The following CAMKMT variants were observed in gnomAD, a reference collection of about 807,000 sequenced individuals.
The protein encoded by CAMKMT is calmodulin-lysine N-methyltransferase.
In CAMKMT, 53 loss-of-function variants were observed where a neutral mutation model predicts 48.0. The observed-to-expected ratio is 1.10, with a 90% CI of 0.89 to 1.39. CAMKMT has a LOEUF of 1.39. Ranked by LOEUF, CAMKMT falls within the 40% of genes most tolerant of loss-of-function variation. The pLI, the probability that CAMKMT is intolerant of heterozygous loss-of-function variation, is 0.00. For missense variants in CAMKMT, 428 were observed against 402.7 expected, an observed-to-expected ratio of 1.06 and a Z score of -0.54; for synonymous variants, 165 against 152.3, an observed-to-expected ratio of 1.08 and a Z score of -0.61.
At chr2:44,395,170 T>C (rs370454248) in intron 3 of CAMKMT, 6 of 338,008 alleles carry the variant, frequency 1.8e-5, no homozygotes, top group Non-Finnish European at 3.5e-5. Context: ...GGGTTTGGAA[T>C]GTTGGTGAAA....
At chr2:44,440,834 T>A (rs983750915) in intron 3 of CAMKMT, among the ~76,000 whole-genome samples, 2 of 152,114 alleles carry the variant, frequency 1.3e-5, no homozygotes, top group African/African-American at 4.8e-5. Context: ...TTATTTTTTT[T>A]ATTATCCATT....
chr2:44,408,333 T>A (rs1321372246), intron 3 of CAMKMT, among the ~76,000 whole-genome samples: 2 of 152,050 alleles, frequency 1.3e-5, no homozygotes, highest in African/African-American at 4.8e-5. Context: ...CGTCTTTTAC[T>A]CTTTATAGAT....
intron 3 of CAMKMT, among the ~76,000 whole-genome samples, chr2:44,567,621 C>G (rs1358018261): frequency 6.6e-6 from 1 of 151,936 alleles, no homozygotes; most frequent in African/African-American, 2.4e-5. Context: ...TTTCTGGAAG[C>G]AAAAGACTGC....
chr2:44,759,782 A>G (rs1183034886), intron 9 of CAMKMT, among the ~76,000 whole-genome samples: 2 of 152,192 alleles, frequency 1.3e-5, no homozygotes, highest in Non-Finnish European at 2.9e-5. Context: ...TTCAGCACAT[A>G]CAGTAATGTG....
chr2:44,672,802 A>G (rs1304962740), intron 3 of CAMKMT, among the ~76,000 whole-genome samples: 2 of 152,186 alleles, frequency 1.3e-5, no homozygotes, highest in East Asian at 3.8e-4. Context: ...CAAGTACCTT[A>G]TTAATCATCC....
intron 3 of CAMKMT, among the ~76,000 whole-genome samples, chr2:44,535,654 T>C (rs189114618): frequency 3.9e-4 from 59 of 152,278 alleles, no homozygotes; most frequent in African/African-American, 1.4e-3. Context: ...ACCATTTCAA[T>C]AGGCACAGAA....
chr2:44,433,398 A>AT (rs368383317), intron 3 of CAMKMT, among the ~76,000 whole-genome samples: 8 of 150,916 alleles, frequency 5.3e-5, no homozygotes, highest in East Asian at 3.9e-4. Context: ...CTTTAAGTGT[A>AT]TTTTTTTTTC....
intron 3 of CAMKMT, among the ~76,000 whole-genome samples, chr2:44,527,427 TA>T (rs1384019649): frequency 7.8e-3 from 456 of 58,232 alleles, no homozygotes; most frequent in Middle Eastern, 0.076. Flanking sequence ...TATATATATA[TA>T]TATTTTTTTT....
chr2:44,705,267 C>A lies in CAMKMT; in HGVS notation c.437+924C>A, dbSNP rs115311561. 4.6e-4 allele frequency: 331 copies of A among 712,202 alleles called. 1 individual carries two copies. The African/African-American group carries it at 5.9e-3, about 13-fold the overall frequency. 44.1% of individuals were successfully genotyped at this position (712,202 alleles called of 1,614,324 possible). Reference sequence around the variant, plus strand: ...TTGGCTTCTTCTCCTCCCTTTCCCCCTCTTCCCACCTCTCCCTCTCTTTTA... The same window carrying A: ...TTGGCTTCTTCTCCTCCCTTTCCCCATCTTCCCACCTCTCCCTCTCTTTTA... On this transcript the variant is annotated intron_variant, in intron 4 of 10. Transcript: ENST00000378494.
At chr2:44,769,083 C>T (rs1379492674) in intron 10 of CAMKMT, among the ~76,000 whole-genome samples, 1 of 151,190 alleles carries the variant, frequency 6.6e-6, no homozygotes, top group Non-Finnish European at 1.5e-5. Flanking sequence ...CACCCCTCCT[C>T]TTACAACAGG....
At chr2:44,768,357 A>ATT (rs1166912438) in intron 10 of CAMKMT, among the ~76,000 whole-genome samples, 78 of 96,044 alleles carry the variant, frequency 8.1e-4, no homozygotes, top group East Asian at 3.3e-3. Context: ...ATATATATAT[A>ATT]TATATTTTTT....
chr2:44,510,280 C>T (rs1277462653), intron 3 of CAMKMT, among the ~76,000 whole-genome samples: 1 of 152,164 alleles, frequency 6.6e-6, no homozygotes, highest in Non-Finnish European at 1.5e-5. Flanking sequence ...GGCCTTGATA[C>T]TTTAAAGAGT....
At chr2:44,450,704 A>G (rs1667244728) in intron 3 of CAMKMT, among the ~76,000 whole-genome samples, 1 of 152,148 alleles carries the variant, frequency 6.6e-6, no homozygotes, top group African/African-American at 2.4e-5. Context: ...ATTTGAAAAA[A>G]GAGGAATAAA....
At chr2:44,602,212 C>T (rs1260300843) in intron 3 of CAMKMT, among the ~76,000 whole-genome samples, 2 of 151,776 alleles carry the variant, frequency 1.3e-5, no homozygotes, top group Non-Finnish European at 2.9e-5. Flanking sequence ...CACCATGTTG[C>T]CCAGTCTCGA....
intron 9 of CAMKMT, among the ~76,000 whole-genome samples, chr2:44,760,991 G>T (rs1378550464): frequency 6.6e-6 from 1 of 152,094 alleles, no homozygotes; most frequent in Non-Finnish European, 1.5e-5. Context: ...AGTTAGATAT[G>T]ACCTAACTCT....
chr2:44,582,645 A>G (rs1558720088), intron 3 of CAMKMT, among the ~76,000 whole-genome samples: 1 of 152,096 alleles, frequency 6.6e-6, no homozygotes, highest in Admixed American at 6.5e-5. Context: ...TTTTCCTCCT[A>G]GTTAACTACT....
At chr2:44,514,387 G>A (rs1405685435) in intron 3 of CAMKMT, among the ~76,000 whole-genome samples, 1 of 152,196 alleles carries the variant, frequency 6.6e-6, no homozygotes, top group Non-Finnish European at 1.5e-5. Flanking sequence ...TTTTTAGTAT[G>A]GCATGATATA....
intron 3 of CAMKMT, among the ~76,000 whole-genome samples, chr2:44,624,548 G>T (rs957426152): frequency 1.1e-4 from 16 of 151,910 alleles, no homozygotes; most frequent in African/African-American, 3.9e-4. Flanking sequence ...TCATTGTTCA[G>T]TTCCTACCTA....
chr2:44,544,216 T>G (rs768435878), intron 3 of CAMKMT, among the ~76,000 whole-genome samples: 1 of 152,158 alleles, frequency 6.6e-6, no homozygotes, highest in Non-Finnish European at 1.5e-5. Context: ...GTGTCAATGA[T>G]TATTTCAGTG....
Sources: allele counts gnomAD v4.1 joint callset (sites outside exome capture counted in the v4.1 genomes callset), GRCh38; gene constraint gnomAD v4.1.1; transcripts MANE v1.5; gene names NCBI Gene and HGNC (gene_info 2026-07-23, HGNC 2026-07-21).